Variants in TIMELESS observed in about 807,000 individuals in gnomAD.
TIMELESS encodes the protein protein timeless homolog.
Under a neutral mutation model 164.3 loss-of-function variants are expected in TIMELESS, and 124 were observed. That is an observed-to-expected ratio of 0.75 (90% confidence interval 0.65 to 0.88). The LOEUF (loss-of-function observed/expected upper bound fraction) is 0.88. TIMELESS is among the 40% of genes least tolerant of loss of function. The pLI is 0.00. For missense variants in TIMELESS, 1,422 were observed against 1,491.4 expected (o/e 0.95, Z 0.77); for synonymous variants, 564 against 563.4 (o/e 1.00, Z -0.02).
At position 56,421,224 on chromosome 12, in the gene TIMELESS, C is replaced by T. The variant is rs534049350; in HGVS notation, c.2869-90G>A. 61 of 1,587,954 alleles carry T rather than the reference C, an allele frequency of 3.8e-5. No individual in the cohort carries two copies. In the Middle Eastern group the frequency reaches 5.2e-4, roughly 14 times the overall value. ...CTCGTTCCTGACCACCGCACCCCCC[C>T]GCGCCTGCTCTCTCGGAAGGACCTG... On this transcript the variant is annotated intron_variant, in intron 23 of 28. Coordinates refer to ENST00000553532, the MANE Select transcript of TIMELESS (RefSeq NM_003920.5).
intron 1 of TIMELESS, among the ~76,000 whole-genome samples, chr12:56,446,341 T>C (rs558439535): frequency 1.3e-5 from 2 of 152,318 alleles, no homozygotes; most frequent in East Asian, 3.9e-4. Context: ...GAGAAATATT[T>C]GTCTTTCCCT....
intron 10 of TIMELESS, among the ~76,000 whole-genome samples, chr12:56,429,685 A>ATT (rs1193861112): frequency 9.8e-6 from 1 of 101,836 alleles, no homozygotes; most frequent in Non-Finnish European, 2.1e-5. Flanking sequence ...TTTTTTTTGT[A>ATT]TTTTTTTTTT....
rs779857099 is a variant in TIMELESS, at chr12:56,421,389, A to G, written c.2830T>C (p.Tyr944His). The change falls in exon 23 of 29, where the codon TAC becomes CAC. Residue 944 changes from tyrosine to histidine, a missense_variant. Tyr to His is a moderately conservative substitution (Grantham distance 83). Transcript: ENST00000553532. ...GCCAACTTTTTCTGCCGTTTCTTGT[A>G]CAGCTCCCGCCGCTCAGCCACCAGC... is the stretch of plus-strand genomic sequence containing the variant. Reference protein sequence around the residue: ...LGLVAERRELYKKRQKKLASS... With the variant: ...LGLVAERRELHKKRQKKLASS... 2 of 1,614,062 alleles carry G rather than the reference A, an allele frequency of 1.2e-6. No individual in the cohort carries two copies. The highest frequency in any genetic ancestry group is 1.1e-5 in the South Asian group (1 of 91,074).
intron 1 of TIMELESS, among the ~76,000 whole-genome samples, chr12:56,442,039 G>A (rs1350723093): frequency 2.2e-5 from 3 of 137,980 alleles, no homozygotes; most frequent in Non-Finnish European, 3.0e-5. Context: ...AGTTGAGATC[G>A]TGCCACTGCA....
chr12:56,440,826 G>T (rs976149213), intron 1 of TIMELESS, among the ~76,000 whole-genome samples: 1 of 152,084 alleles, frequency 6.6e-6, no homozygotes, highest in Non-Finnish European at 1.5e-5. Flanking sequence ...GCAGTTTACA[G>T]TTTTGTTTTG....
rs567992493 is a variant in TIMELESS, at chr12:56,417,796, C to T, written c.3557-10G>A. On this transcript the variant is annotated splice_polypyrimidine_tract_variant and intron_variant, in intron 28 of 28. Transcript: ENST00000553532. The stretch of plus-strand genomic sequence containing the variant: ...GCTCCCAACTCTGGTGCTGTGGGAA[C>T]GATGGGGGTGAGAGAGAGAGAGAAT... 5.4e-5 allele frequency: 87 copies of T among 1,614,056 alleles called. No homozygotes were observed. The highest frequency in any genetic ancestry group is 8.3e-5 in the Admixed American group (5 of 59,998).
At position 56,428,232 on chromosome 12, in the gene TIMELESS, G is replaced by C. The variant is rs759361045; in HGVS notation, c.1578+4C>G. Reference sequence around the variant, plus strand: ...TCTTTCTACATTGTGGGGCTGCCCAGTACCTGCACCACCAGGTTCCCACGG... The same window carrying C: ...TCTTTCTACATTGTGGGGCTGCCCACTACCTGCACCACCAGGTTCCCACGG... On this transcript the variant is annotated splice_donor_region_variant and intron_variant, in intron 13 of 28. Coordinates refer to ENST00000553532, the MANE Select transcript of TIMELESS (RefSeq NM_003920.5). 2 of 1,593,774 alleles carry C rather than the reference G, an allele frequency of 1.3e-6. No homozygotes were observed. The highest frequency in any genetic ancestry group is 1.3e-5 in the African/African-American group (1 of 74,394).
chr12:56,420,751 A>T, intron 25 of TIMELESS, 62 bp downstream of exon 25: 1 of 1,613,224 alleles, frequency 6.2e-7, no homozygotes, highest in South Asian at 1.1e-5. Flanking sequence ...CCATCCCATG[A>T]CCAGGTAGGT....
intron 26 of TIMELESS, 62 bp from the exon 27 acceptor site, chr12:56,418,421 T>C (rs1053802079): frequency 4.1e-6 from 5 of 1,224,922 alleles, no homozygotes; most frequent in Non-Finnish European, 5.8e-6. Context: ...GAGTATGATA[T>C]TCATTGAATA....
chr12:56,433,783 C>A lies in TIMELESS; in HGVS notation c.241G>T (p.Ala81Ser). 6.2e-7 allele frequency: 1 copy of A among 1,614,214 alleles called. No individual in the cohort carries two copies. Among genetic ancestry groups the A allele is most frequent in the Non-Finnish European group, 8.5e-7 (1 of 1,180,036 alleles). The change falls in exon 3 of 29, where the codon GCT becomes TCT. Residue 81 changes from alanine (A) to serine (S), a missense_variant. By Grantham distance (99) the Ala-to-Ser change is moderately conservative (BLOSUM62 1). Coordinates refer to ENST00000553532, the MANE Select transcript of TIMELESS (RefSeq NM_003920.5). ...AGCTAGGGAGGCAACCTGATAACAG[C>A]ATCAAAGAGAGGCTTGTCCTGGTGG... ...QHHQDKPLFD[A>S]VIRLMVNLTQ... is the part of the protein sequence containing the mutation.
intron 6 of TIMELESS, 143 bp from the exon 7 acceptor site, chr12:56,432,667 G>A (rs72478987): frequency 0.017 from 20,462 of 1,180,158 alleles, 286 homozygotes; most frequent in Middle Eastern, 0.04. Flanking sequence ...CAGCTTGGCC[G>A]GGCGCGGTGG....
At chr12:56,432,252 C>T in intron 7 of TIMELESS, 117 bp downstream of exon 7, 4 of 1,261,488 alleles carry the variant, frequency 3.2e-6, no homozygotes, top group Non-Finnish European at 4.4e-6. Flanking sequence ...GACATGGCTA[C>T]TCCTGCTGTC....
intron 8 of TIMELESS, among the ~76,000 whole-genome samples, 200 bp from the exon 9 acceptor site, chr12:56,431,168 A>C (rs1881865137): frequency 6.6e-6 from 1 of 151,566 alleles, no homozygotes; most frequent in Non-Finnish European, 1.5e-5. Context: ...AGCCTGGCCA[A>C]CATGGTGAAA....
intron 1 of TIMELESS, among the ~76,000 whole-genome samples, chr12:56,436,848 A>G (rs796450250): frequency 3.3e-5 from 5 of 152,290 alleles, no homozygotes; most frequent in African/African-American, 1.2e-4. Flanking sequence ...GGAAAGCTCC[A>G]TGCTGTAGGG....
At position 56,428,885 on chromosome 12, in the gene TIMELESS, G is replaced by A. The variant is rs1881767268; in HGVS notation, c.1302C>T (p.Arg434=). The change falls in exon 11 of 29, where the codon CGC becomes CGT. Residue 434 remains arginine (R), a splice_region_variant and synonymous_variant. Transcript: ENST00000553532. The part of the protein sequence containing the change: ...TDRKEAASWA[R]RMHLALKAYQ... Reference sequence around the variant, plus strand: ...TCTCCAGTAACCATCCCACTCACCGGCGTGCCCAGGAGGCAGCTTCCTTGC... The same window carrying A: ...TCTCCAGTAACCATCCCACTCACCGACGTGCCCAGGAGGCAGCTTCCTTGC... 1 of 1,613,370 alleles carries A rather than the reference G, an allele frequency of 6.2e-7. No homozygotes were observed. The highest frequency in any genetic ancestry group is 8.5e-7 in the Non-Finnish European group (1 of 1,179,938).
Position 56,421,092 on chromosome 12 carries a change from G to GATCTTCCTGGCAAAA in TIMELESS, c.2896_2910dup (p.Phe966_Asp970dup), listed in dbSNP as rs759162720. ...TCAGGCAGGTTTTCCTCTTCTTCCA[G>GATCTTCCTGGCAAAA]ATCTTCCTGGCAAAAATCTTTCAGG... On this transcript the variant is annotated inframe_insertion, in exon 24 of 29. Transcript: ENST00000553532. 6.2e-7 allele frequency: 1 copy of GATCTTCCTGGCAAAA among 1,614,062 alleles called. No homozygotes were observed. Among genetic ancestry groups the GATCTTCCTGGCAAAA allele is most frequent in the Non-Finnish European group, 8.5e-7 (1 of 1,180,010 alleles).
intron 1 of TIMELESS, among the ~76,000 whole-genome samples, chr12:56,448,074 T>G (rs1868400125): frequency 6.6e-6 from 1 of 152,166 alleles, no homozygotes; most frequent in Non-Finnish European, 1.5e-5. Flanking sequence ...AGAGGAGTTT[T>G]AAATTTAACA....
At position 56,421,910 on chromosome 12, in the gene TIMELESS, C is replaced by A; in HGVS notation, c.2631G>T (p.Lys877Asn). Residue 877 changes from lysine to asparagine, a missense_variant, in exon 21 of 29, where the codon AAG becomes AAT. By Grantham distance (94) the Lys-to-Asn change is moderately conservative (BLOSUM62 0). Coordinates refer to ENST00000553532, the MANE Select transcript of TIMELESS (RefSeq NM_003920.5). ...LVQMGLADSVKDFQRKGTHIV... is the reference protein window; with the variant it reads ...LVQMGLADSVNDFQRKGTHIV... The stretch of plus-strand genomic sequence containing the variant: ...ATGTGCCTCTCTACCTTTGGAAGTC[C>A]TTGACACTGTCAGCCAGTCCCATCT... 1 of 1,614,170 alleles carries A rather than the reference C, an allele frequency of 6.2e-7. No individual in the cohort carries two copies. Among genetic ancestry groups the A allele is most frequent in the Non-Finnish European group, 8.5e-7 (1 of 1,180,028 alleles).
At chr12:56,436,687 C>T (rs138284940) in intron 1 of TIMELESS, among the ~76,000 whole-genome samples, 2 of 152,150 alleles carry the variant, frequency 1.3e-5, no homozygotes, top group African/African-American at 2.4e-5. Flanking sequence ...TTTAGAACAC[C>T]GAACAGTGGT....
Sources: allele counts gnomAD v4.1 joint callset (sites outside exome capture counted in the v4.1 genomes callset), GRCh38; gene constraint gnomAD v4.1.1; transcripts MANE v1.5; gene names NCBI Gene and HGNC (gene_info 2026-07-23, HGNC 2026-07-21).